Variants in NKAIN3 observed in about 807,000 individuals in gnomAD.
NKAIN3 encodes the protein sodium/potassium-transporting ATPase subunit beta-1-interacting protein 3.
NKAIN3 carries 25 observed loss-of-function variants against 30.2 expected under a neutral mutation model. That is an observed-to-expected ratio of 0.83 (90% confidence interval 0.60 to 1.16). The LOEUF (loss-of-function observed/expected upper bound fraction) is 1.16, where lower values mean the gene tolerates loss of function less well. NKAIN3 is among the 50% of genes most tolerant of loss of function. The pLI, the probability that NKAIN3 is intolerant of heterozygous loss-of-function variation, is 0.00. For missense variants in NKAIN3, 225 were observed against 254.1 expected (o/e 0.89, Z 0.78); for synonymous variants, 91 against 89.6 (o/e 1.02, Z -0.09).
intron 1 of NKAIN3, among the ~76,000 whole-genome samples, chr8:62,393,205 C>A (rs1817626794): frequency 6.6e-6 from 1 of 151,966 alleles, no homozygotes; most frequent in Non-Finnish European, 1.5e-5. Context: ...AGATTTCTCC[C>A]AGATTTTCTT....
At chr8:62,892,586 G>A (rs1563615185) in intron 4 of NKAIN3, among the ~76,000 whole-genome samples, 1 of 152,028 alleles carries the variant, frequency 6.6e-6, no homozygotes, top group African/African-American at 2.4e-5. Flanking sequence ...AATCAGGCTT[G>A]TTACTCTGGT....
At chr8:62,322,750 G>T (rs886834362) in intron 1 of NKAIN3, among the ~76,000 whole-genome samples, 6 of 152,098 alleles carry the variant, frequency 3.9e-5, no homozygotes, top group African/African-American at 1.4e-4. Flanking sequence ...TACAGATGGG[G>T]ACAAAACATT....
At chr8:62,291,332 G>A (rs1394287322) in intron 1 of NKAIN3, among the ~76,000 whole-genome samples, 1 of 151,922 alleles carries the variant, frequency 6.6e-6, no homozygotes, top group East Asian at 1.9e-4. Flanking sequence ...GTGATGTTAG[G>A]GTGTCAATTT....
chr8:62,706,531 C>T (rs77754162), intron 3 of NKAIN3, among the ~76,000 whole-genome samples: 2,862 of 151,984 alleles, frequency 0.019, 83 homozygotes, highest in African/African-American at 0.064. Context: ...TTATAGTTTC[C>T]GAAACTGTGC....
chr8:62,913,057 A>G (rs994227670), intron 4 of NKAIN3, among the ~76,000 whole-genome samples: 3 of 152,138 alleles, frequency 2.0e-5, no homozygotes, highest in Non-Finnish European at 4.4e-5. Flanking sequence ...GGGCAATAAC[A>G]GGCATGGAGC....
At chr8:62,662,990 A>G (rs1365647536) in intron 3 of NKAIN3, among the ~76,000 whole-genome samples, 2 of 152,240 alleles carry the variant, frequency 1.3e-5, no homozygotes, top group South Asian at 2.1e-4. Context: ...AGAATTTTAT[A>G]TGAACCTTTG....
At chr8:62,259,619 T>C (rs966157277) in intron 1 of NKAIN3, among the ~76,000 whole-genome samples, 5 of 152,136 alleles carry the variant, frequency 3.3e-5, no homozygotes, top group African/African-American at 1.2e-4. Flanking sequence ...TGCAAAGATA[T>C]TGAAATAAAA....
chr8:62,404,064 G>C (rs1009417294), intron 1 of NKAIN3, among the ~76,000 whole-genome samples: 3 of 152,220 alleles, frequency 2.0e-5, no homozygotes, highest in Admixed American at 1.3e-4. Context: ...TTTAATGACT[G>C]TACTGTTTTG....
intron 5 of NKAIN3, among the ~76,000 whole-genome samples, chr8:62,923,335 T>A (rs1283018299): frequency 6.6e-6 from 1 of 151,584 alleles, no homozygotes; most frequent in African/African-American, 2.4e-5. Flanking sequence ...AAAAAAAAAA[T>A]AAGAAAAAGA....
intron 1 of NKAIN3, among the ~76,000 whole-genome samples, chr8:62,490,654 A>G (rs954858905): frequency 6.6e-6 from 1 of 152,180 alleles, no homozygotes; most frequent in African/African-American, 2.4e-5. Context: ...AAATTCATGA[A>G]TGTTTATGTG....
At chr8:62,780,975 A>G (rs974836354) in intron 4 of NKAIN3, among the ~76,000 whole-genome samples, 1 of 152,040 alleles carries the variant, frequency 6.6e-6, no homozygotes, top group African/African-American at 2.4e-5. Flanking sequence ...AGGCCTCCAA[A>G]TTGGAAAAGA....
At chr8:62,869,755 T>G (rs1401296888) in intron 4 of NKAIN3, among the ~76,000 whole-genome samples, 1 of 151,496 alleles carries the variant, frequency 6.6e-6, no homozygotes, top group Non-Finnish European at 1.5e-5. Flanking sequence ...TTTCCTTTGT[T>G]TGTTTCTGTT....
intron 3 of NKAIN3, among the ~76,000 whole-genome samples, chr8:62,611,274 A>T (rs558207305): frequency 6.6e-6 from 1 of 152,102 alleles, no homozygotes; most frequent in African/African-American, 2.4e-5. Flanking sequence ...ATGGAAAATG[A>T]GGTATCTATC....
chr8:62,597,350 A>G lies in NKAIN3; in HGVS notation c.273+7556A>G, dbSNP rs546516612. 3.9e-5 allele frequency among the ~76,000 whole-genome samples: 6 copies of G among 152,232 alleles called. No individual in the cohort carries two copies. In the East Asian group the frequency reaches 7.8e-4, roughly 20 times the overall value. ...TTCTGAGTTTCCTTAATTAGTGTGT[A>G]TAATAGCCTGGCTATTTCGCTTTTC... On this transcript the variant is annotated intron_variant, in intron 3 of 6. Transcript: ENST00000623646.
chr8:62,363,859 T>C (rs959217719), intron 1 of NKAIN3, among the ~76,000 whole-genome samples: 2 of 152,172 alleles, frequency 1.3e-5, no homozygotes, highest in African/African-American at 4.8e-5. Flanking sequence ...TAGTTTCTAT[T>C]TTCAAGCAGA....
intron 6 of NKAIN3, among the ~76,000 whole-genome samples, chr8:62,962,058 A>G (rs902295024): frequency 3.3e-5 from 5 of 152,294 alleles, no homozygotes; most frequent in East Asian, 1.9e-4. Flanking sequence ...ACTCCAACAA[A>G]TAGTTGGATA....
chr8:62,989,691 A>G (rs1164094454), downstream of NKAIN3, among the ~76,000 whole-genome samples: 2 of 152,218 alleles, frequency 1.3e-5, no homozygotes, highest in East Asian at 3.8e-4. Context: ...TCTGTCTCGA[A>G]AAAACATTTT....
chr8:62,626,362 G>T (rs1811786677), intron 3 of NKAIN3, among the ~76,000 whole-genome samples: 1 of 152,124 alleles, frequency 6.6e-6, no homozygotes, highest in Non-Finnish European at 1.5e-5. Flanking sequence ...GCTGAATTCA[G>T]ATCAGTGAAG....
chr8:62,903,363 A>G (rs1821668979), intron 4 of NKAIN3, among the ~76,000 whole-genome samples: 1 of 152,096 alleles, frequency 6.6e-6, no homozygotes, highest in Non-Finnish European at 1.5e-5. Context: ...TTAAAAACAA[A>G]CAGATTAGGT....
Sources: gnomAD v4.1 joint callset for allele counts (sites outside exome capture counted in the v4.1 genomes callset) on GRCh38, gnomAD v4.1.1 for gene constraint, MANE v1.5 for transcripts, NCBI Gene and HGNC (gene_info 2026-07-23, HGNC 2026-07-21) for gene names.